Variants in STARD13 observed in about 807,000 individuals in gnomAD.
STARD13 encodes the protein stAR-related lipid transfer protein 13.
In STARD13, 62 loss-of-function variants were observed where a neutral mutation model predicts 106.4. The observed-to-expected ratio is 0.58, with a 90% confidence interval of 0.48 to 0.72. The LOEUF (loss-of-function observed/expected upper bound fraction) is 0.72, where lower values mean the gene tolerates loss of function less well. Among genes scored for constraint, STARD13 ranks in the 30% least tolerant of loss-of-function variants. The pLI is 0.00. For synonymous variants in STARD13, 565 were observed against 553.0 expected, an observed-to-expected ratio of 1.02 and a Z score of -0.31; for missense variants, 1,387 against 1,424.0, an observed-to-expected ratio of 0.97 and a Z score of 0.42.
intron 1 of STARD13, among the ~76,000 whole-genome samples, chr13:33,212,519 A>G (rs2138142290): frequency 6.6e-6 from 1 of 152,326 alleles, no homozygotes; most frequent in South Asian, 2.1e-4. Flanking sequence ...AGCAACATGT[A>G]TTAATCCTCA....
the STARD13 span, among the ~76,000 whole-genome samples, chr13:33,462,400 A>G: frequency 6.6e-6 from 1 of 152,196 alleles, no homozygotes; most frequent in Non-Finnish European, 1.5e-5. Context: ...TATTTGTGTT[A>G]GTCAGGGTTC....
chr13:33,139,969 A>G (rs2244825), intron 4 of STARD13, among the ~76,000 whole-genome samples: 54,220 of 152,124 alleles, frequency 0.36, 10,192 homozygotes, highest in Non-Finnish European at 0.43. Context: ...AATTTACAAC[A>G]TGAAAAGCAA....
the STARD13 span, among the ~76,000 whole-genome samples, chr13:33,640,483 A>G: frequency 6.6e-6 from 1 of 152,200 alleles, no homozygotes; most frequent in Admixed American, 6.5e-5. Flanking sequence ...AGTTCCATTC[A>G]GTGAGTGTTT....
chr13:33,443,941 T>C, the STARD13 span, among the ~76,000 whole-genome samples: 4 of 150,752 alleles, frequency 2.7e-5, no homozygotes, highest in African/African-American at 4.9e-5. Flanking sequence ...AAATGTGACT[T>C]ATGGATAGAC....
chr13:33,377,785 A>T, the STARD13 span, among the ~76,000 whole-genome samples: 1 of 152,186 alleles, frequency 6.6e-6, no homozygotes, highest in African/African-American at 2.4e-5. Context: ...CTGGGTTATA[A>T]TGTAGTCCTT....
intron 1 of STARD13, among the ~76,000 whole-genome samples, chr13:33,194,638 T>C (rs1035741352): frequency 6.6e-6 from 1 of 152,246 alleles, no homozygotes; most frequent in South Asian, 2.1e-4. Flanking sequence ...TTCAATACTA[T>C]AATGCTTTGC....
chr13:33,138,864 C>T, intron 4 of STARD13: 2 of 479,086 alleles, frequency 4.2e-6, no homozygotes, highest in Non-Finnish European at 4.2e-6. Flanking sequence ...CTTTTCTCTT[C>T]TGCAAAACAG....
intron 1 of STARD13, among the ~76,000 whole-genome samples, chr13:33,244,896 C>A (rs534652840): frequency 6.6e-6 from 1 of 152,284 alleles, no homozygotes; most frequent in East Asian, 1.9e-4. Flanking sequence ...TGTTTTCAGC[C>A]ATTAAATTTG....
the STARD13 span, among the ~76,000 whole-genome samples, chr13:33,568,320 C>T: frequency 2.7e-5 from 4 of 147,926 alleles, no homozygotes; most frequent in Non-Finnish European, 4.5e-5. Flanking sequence ...CAGAAATGCT[C>T]ACGATGCTTG....
chr13:33,435,421 C>T, the STARD13 span, among the ~76,000 whole-genome samples: 721 of 152,226 alleles, frequency 4.7e-3, 4 homozygotes, highest in Middle Eastern at 0.014. Flanking sequence ...ATTTATAAAG[C>T]TCTTAAGCTT....
the STARD13 span, among the ~76,000 whole-genome samples, chr13:33,473,829 T>C: frequency 1.3e-5 from 2 of 152,118 alleles, no homozygotes; most frequent in Non-Finnish European, 2.9e-5. Flanking sequence ...ATCAAATGGG[T>C]GAGGTTCTTT....
chr13:33,216,362 T>C (rs1160447293), intron 1 of STARD13, among the ~76,000 whole-genome samples: 1 of 152,168 alleles, frequency 6.6e-6, no homozygotes, highest in African/African-American at 2.4e-5. Context: ...GGTATATATA[T>C]ACGATAGAAT....
At chr13:33,277,213 C>T (rs1209992802) in intron 1 of STARD13, 1 of 152,118 alleles carries the variant, frequency 6.6e-6, no homozygotes, top group African/African-American at 2.4e-5. Context: ...ATTCCCTATG[C>T]ATTCTGTTGG....
At chr13:33,349,035 C>T in exon 2 of STARD13, 1 of 681,460 alleles carries the variant, frequency 1.5e-6, no homozygotes, top group Non-Finnish European at 2.7e-6. Flanking sequence ...GGTTTAAGGG[C>T]AGAACACCTA....
the STARD13 span, among the ~76,000 whole-genome samples, chr13:33,407,279 C>T: frequency 3.3e-5 from 5 of 152,228 alleles, no homozygotes; most frequent in Admixed American, 6.5e-5. Context: ...TCACTAGCTC[C>T]TTTTCTGCCC....
the STARD13 span, among the ~76,000 whole-genome samples, chr13:33,413,962 G>A: frequency 6.8e-6 from 1 of 146,600 alleles, no homozygotes; most frequent in Non-Finnish European, 1.5e-5. Context: ...GAACCTGGGA[G>A]GCAGAGGTTG....
intron 1 of STARD13, among the ~76,000 whole-genome samples, chr13:33,199,244 A>G (rs1163342256): frequency 1.3e-5 from 2 of 152,250 alleles, no homozygotes; most frequent in Non-Finnish European, 2.9e-5. Flanking sequence ...TGATTACAAC[A>G]AAAATCATTC....
chr13:33,361,646 A>G, the STARD13 span, among the ~76,000 whole-genome samples: 1 of 152,238 alleles, frequency 6.6e-6, no homozygotes, highest in Non-Finnish European at 1.5e-5. Flanking sequence ...GCCTCAGGGA[A>G]CTTACAATTA....
chr13:33,589,518 C>T, the STARD13 span, among the ~76,000 whole-genome samples: 1 of 152,122 alleles, frequency 6.6e-6, no homozygotes, highest in African/African-American at 2.4e-5. Flanking sequence ...TCATTGGTTT[C>T]GAAGAACATC....
Sources: allele counts gnomAD v4.1 joint callset (sites outside exome capture counted in the v4.1 genomes callset), GRCh38; gene constraint gnomAD v4.1.1; transcripts MANE v1.5; gene names NCBI Gene and HGNC (gene_info 2026-07-23, HGNC 2026-07-21).